Variants in DCX observed in about 807,000 individuals in gnomAD.
DCX encodes doublecortin.
In DCX, 4 loss-of-function variants were observed where a neutral mutation model predicts 20.9. The observed-to-expected ratio is 0.19, with a 90% CI of 0.09 to 0.44. The LOEUF is 0.44. Ranked by LOEUF, DCX falls within the 20% of genes least tolerant of loss-of-function variation. DCX has a pLI of 0.99. For missense variants in DCX, 133 were observed against 296.9 expected, an observed-to-expected ratio of 0.45 and a Z score of 4.06; for synonymous variants, 103 against 111.4, an observed-to-expected ratio of 0.92 and a Z score of 0.47.
In DCX at chrX:111,312,176, A is replaced by T. The variant is rs1449785094; in HGVS notation, c.1044+463T>A. Among the ~76,000 whole-genome samples, 6 of 112,625 alleles carry T rather than the reference A, an allele frequency of 5.3e-5. No homozygotes were observed. The Admixed American group carries it at 5.6e-4, about 11-fold the overall frequency. ...CCTGGTAATGAAAAGTGCACAGCAA[A>T]AGTAGGAGCTATTCATTTGTTGATG... On this transcript the variant is annotated intron_variant, in intron 6 of 6. Coordinates refer to ENST00000636035, the MANE Select transcript of DCX (RefSeq NM_001195553.2).
At chrX:111,329,288 CA>C (rs1220006270) in intron 5 of DCX, among the ~76,000 whole-genome samples, 1 of 111,759 alleles carries the variant, frequency 8.9e-6, no homozygotes, top group Non-Finnish European at 1.9e-5. Context: ...ATTTCTTCAG[CA>C]AACATTATCT....
chrX:111,329,391 G>A (rs1323136144), intron 5 of DCX, among the ~76,000 whole-genome samples: 1 of 111,456 alleles, frequency 9.0e-6, no homozygotes, highest in Admixed American at 9.6e-5. Flanking sequence ...CATCTACTAG[G>A]GGCCAGGCAC....
chrX:111,318,221 C>T (rs2095078125), intron 5 of DCX, among the ~76,000 whole-genome samples: 1 of 103,742 alleles, frequency 9.6e-6, no homozygotes, highest in African/African-American at 3.5e-5. Flanking sequence ...AAATAATATG[C>T]TGGCAAGGTT....
Position 111,350,786 on chromosome X carries a change from C to T in DCX, c.706-17633G>A, listed in dbSNP as rs777881117. Among the ~76,000 whole-genome samples, 4 of 112,125 alleles carry T rather than the reference C, an allele frequency of 3.6e-5. No individual in the cohort carries two copies. The South Asian group carries it at 1.5e-3, about 42-fold the overall frequency. On this transcript the variant is annotated intron_variant, in intron 3 of 6. Coordinates refer to ENST00000636035, the MANE Select transcript of DCX (RefSeq NM_001195553.2). Reference sequence around the variant, plus strand: ...TCCATTCTCACACTGCTAATAAAGACATACTGGAGACTGGGCAATTATAAA... The same window carrying T: ...TCCATTCTCACACTGCTAATAAAGATATACTGGAGACTGGGCAATTATAAA...
intron 5 of DCX, among the ~76,000 whole-genome samples, chrX:111,316,556 A>G (rs1048468800): frequency 1.8e-5 from 2 of 111,586 alleles, no homozygotes; most frequent in African/African-American, 3.3e-5. Flanking sequence ...TATTCAACAT[A>G]GTATTGGAAA....
At chrX:111,331,377 T>G (rs1420419520) in intron 4 of DCX, among the ~76,000 whole-genome samples, 2 of 112,085 alleles carry the variant, frequency 1.8e-5, no homozygotes, top group African/African-American at 6.5e-5. Context: ...GATATAATGT[T>G]TAATTAATTT....
Position 111,298,300 on chromosome X carries a change from A to G in DCX, c.*3387T>C, listed in dbSNP as rs2095026051. The G allele has an allele frequency of 8.9e-6, 1 of 111,735 alleles. No homozygotes were observed. Among genetic ancestry groups the G allele is most frequent in the Non-Finnish European group, 1.9e-5 (1 of 53,088 alleles). 9.2% of individuals were successfully genotyped at this position (111,735 alleles called of 1,213,427 possible). ...AGTGATCTCCTGAATCAGATGGACA[A>G]GGCCAGGGACCCCATTGCTCCTATT... is the stretch of plus-strand genomic sequence containing the variant. On this transcript the variant is annotated 3_prime_UTR_variant, in exon 7 of 7. Coordinates refer to ENST00000636035, the MANE Select transcript of DCX (RefSeq NM_001195553.2).
chrX:111,398,019 T>C (rs980369591), intron 3 of DCX, among the ~76,000 whole-genome samples: 67 of 110,762 alleles, frequency 6.0e-4, no homozygotes, highest in African/African-American at 2.1e-3. Flanking sequence ...GCAAACCTTA[T>C]TTGCCCACAG....
intron 3 of DCX, among the ~76,000 whole-genome samples, chrX:111,342,339 T>TTATATATATATATATA (rs60045433): frequency 1.2e-3 from 24 of 20,737 alleles, no homozygotes; most frequent in Admixed American, 1.8e-3. Context: ...GAGCTAACTA[T>TTATATATATATATATA]TATATATATA....
chrX:111,314,490 G>T (rs1480780986), intron 5 of DCX, among the ~76,000 whole-genome samples: 1 of 111,854 alleles, frequency 8.9e-6, no homozygotes, highest in Admixed American at 9.6e-5. Flanking sequence ...AGATGAATCT[G>T]AAATAGGCAA....
intron 3 of DCX, among the ~76,000 whole-genome samples, chrX:111,384,176 TACA>T (rs751652310): frequency 4.5e-4 from 50 of 111,636 alleles, no homozygotes; most frequent in African/African-American, 1.6e-3. Flanking sequence ...TCTATAGAAA[TACA>T]ACATTTCAGA....
intron 3 of DCX, among the ~76,000 whole-genome samples, chrX:111,368,842 A>G (rs1041282982): frequency 1.8e-5 from 2 of 109,578 alleles, no homozygotes; most frequent in Non-Finnish European, 3.8e-5. Flanking sequence ...CAATTCAAAT[A>G]CTGGATTAAT....
chrX:111,344,286 T>C (rs1011394792), intron 3 of DCX, among the ~76,000 whole-genome samples: 3 of 111,756 alleles, frequency 2.7e-5, no homozygotes, highest in Admixed American at 9.5e-5. Flanking sequence ...AATATCAAAT[T>C]AAATGGGCAA....
At chrX:111,375,517 C>G (rs1443509114) in intron 3 of DCX, among the ~76,000 whole-genome samples, 1 of 111,480 alleles carries the variant, frequency 9.0e-6, no homozygotes, top group African/African-American at 3.3e-5. Context: ...CTTAAGGCTT[C>G]TTGATGGTTA....
chrX:111,345,742 C>G (rs985094585), intron 3 of DCX, among the ~76,000 whole-genome samples: 3 of 111,354 alleles, frequency 2.7e-5, no homozygotes. Context: ...GATTTATAAT[C>G]CTTTGGGTAT....
chrX:111,294,367 G>A lies in DCX; in HGVS notation c.*7320C>T, dbSNP rs779330639. On this transcript the variant is annotated 3_prime_UTR_variant, in exon 7 of 7. Coordinates refer to ENST00000636035, the MANE Select transcript of DCX (RefSeq NM_001195553.2). ...TCATCGGTCAAGCAGAGTCTTCTGA[G>A]GTCTCTATCTTAAAACAGCTGCAGG... The A allele has an allele frequency of 9.1e-6, 1 of 109,576 alleles. No homozygotes were observed. The highest frequency in any genetic ancestry group is 4.0e-4 in the South Asian group (1 of 2,497). The allele number at this position is 109,576 out of a possible 1,213,427, so 9.0% of individuals were successfully genotyped here. A position where few individuals can be genotyped will look rare whatever the true frequency, so the allele number is the denominator to read the frequency against.
In DCX at chrX:111,356,437, T is replaced by C. The variant is rs950386162; in HGVS notation, c.706-23284A>G. 4.4e-5 allele frequency among the ~76,000 whole-genome samples: 5 copies of C among 112,882 alleles called. No individual in the cohort carries two copies. The South Asian group carries it at 1.5e-3, about 33-fold the overall frequency. ...GCTCAGGGCCTGGGGATGCAGAGAA[T>C]ACAGAAGATCCTTAGGGAATGTACA... is the stretch of plus-strand genomic sequence containing the variant. On this transcript the variant is annotated intron_variant, in intron 3 of 6. Transcript: ENST00000636035.
At chrX:111,309,758 G>T (rs1348164852) in intron 6 of DCX, among the ~76,000 whole-genome samples, 1 of 111,454 alleles carries the variant, frequency 9.0e-6, no homozygotes, top group Non-Finnish European at 1.9e-5. Context: ...AGAGTCTCAG[G>T]AACTTTTCCA....
rs1195863321 is a variant in DCX, at chrX:111,401,041, G to A, written c.654C>T (p.Ile218=). ...TTTTGACAACCCCGGTCTCCAGTTT[G>A]ATGGCTTCTGTGATATCAGTGAGGA... ...EQVLTDITEA[I]KLETGVVKKL... Residue 218 remains isoleucine, a synonymous_variant, in exon 3 of 7, where the codon ATC becomes ATT. Transcript: ENST00000636035. 4 of 1,209,828 alleles carry A rather than the reference G, an allele frequency of 3.3e-6. No homozygotes were observed. Among genetic ancestry groups the A allele is most frequent in the Non-Finnish European group, 2.2e-6 (2 of 895,082 alleles).
Sources: gnomAD v4.1 joint callset for allele counts (sites outside exome capture counted in the v4.1 genomes callset) on GRCh38, gnomAD v4.1.1 for gene constraint, MANE v1.5 for transcripts, NCBI Gene and HGNC (gene_info 2026-07-23, HGNC 2026-07-21) for gene names.